The following TSPEAR variants were observed in gnomAD, a reference collection of about 807,000 sequenced individuals.
TSPEAR encodes thrombospondin type laminin G domain and EAR repeats, also known as thrombospondin-type laminin G domain and EAR repeat-containing protein.
Under a neutral mutation model 71.6 loss-of-function variants are expected in TSPEAR, and 69 were observed. The observed-to-expected ratio is 0.96, with a 90% CI of 0.79 to 1.18. The LOEUF (loss-of-function observed/expected upper bound fraction) is 1.18. Among genes scored for constraint, TSPEAR ranks in the 50% most tolerant of loss-of-function variants. The pLI, the probability that TSPEAR is intolerant of heterozygous loss-of-function variation, is 0.00. For missense variants in TSPEAR, 971 were observed against 894.9 expected (o/e 1.09, Z -1.09); for synonymous variants, 402 against 387.2 (o/e 1.04, Z -0.45).
chr21:44,555,649 C>T (rs2053515189), intron 2 of TSPEAR, among the ~76,000 whole-genome samples: 1 of 151,190 alleles, frequency 6.6e-6, no homozygotes, highest in Non-Finnish European at 1.5e-5. Flanking sequence ...TGGTGAGTCC[C>T]CCACCCCGGC....
At chr21:44,513,643 A>C (rs1329265989) in intron 9 of TSPEAR, among the ~76,000 whole-genome samples, 5 of 152,200 alleles carry the variant, frequency 3.3e-5, no homozygotes, top group African/African-American at 1.2e-4. Flanking sequence ...GGAGCCCCCA[A>C]CAGCTCCCTC....
rs368719173 is a variant in TSPEAR, at chr21:44,647,218, T to C, written c.82+64215A>G. The C allele has an allele frequency of 1.7e-5, 27 of 1,613,216 alleles. No homozygotes were observed. The highest frequency in any genetic ancestry group is 2.2e-5 in the South Asian group (2 of 90,992). On this transcript the variant is annotated intron_variant, in intron 1 of 11. Coordinates refer to ENST00000323084, the MANE Select transcript of TSPEAR (RefSeq NM_144991.3). ...CAGGTCCACCTGCTGTGTGCCCGTC[T>C]CCTCCTGCTGTGCCCCCACCTCCTC...
At chr21:44,573,903 C>T in intron 1 of TSPEAR, 2 of 1,613,178 alleles carry the variant, frequency 1.2e-6, no homozygotes, top group Non-Finnish European at 1.7e-6. Flanking sequence ...CTGCTGCGCC[C>T]CGGCCCCCTG....
At chr21:44,532,348 A>G (rs747351938) in intron 3 of TSPEAR, among the ~76,000 whole-genome samples, 2 of 152,246 alleles carry the variant, frequency 1.3e-5, no homozygotes, top group African/African-American at 2.4e-5. Flanking sequence ...TGGCAAAGCC[A>G]GAAGTCAGGC....
chr21:44,653,516 T>C (rs587641020), intron 1 of TSPEAR, among the ~76,000 whole-genome samples: 1 of 152,344 alleles, frequency 6.6e-6, no homozygotes, highest in Non-Finnish European at 1.5e-5. Flanking sequence ...CTCACTTTAA[T>C]TCCTTAAAAG....
chr21:44,519,647 G>C (rs1555913992), intron 9 of TSPEAR: 1 of 152,422 alleles, frequency 6.6e-6, no homozygotes, highest in Non-Finnish European at 1.5e-5. Flanking sequence ...GTTGTGGTGA[G>C]AGGACTGTGC....
intron 1 of TSPEAR, among the ~76,000 whole-genome samples, chr21:44,587,630 T>C (rs1979423481): frequency 6.6e-6 from 1 of 152,140 alleles, no homozygotes; most frequent in Admixed American, 6.6e-5. Context: ...TTTCAAACTA[T>C]ACTATAAGGC....
chr21:44,646,996 A>ACCT (rs781910953), intron 1 of TSPEAR: 1 of 1,609,004 alleles, frequency 6.2e-7, no homozygotes, highest in Non-Finnish European at 8.5e-7. Flanking sequence ...AGCTTGCTGC[A>ACCT]CCTCCTCCTC....
At chr21:44,534,031 AG>A (rs1247574403) in intron 2 of TSPEAR, 108 bp from the exon 3 acceptor site, 94 of 811,518 alleles carry the variant, frequency 1.2e-4, no homozygotes, top group Middle Eastern at 3.4e-4. Flanking sequence ...TGAGAGGAGC[AG>A]GGGCTGACTG....
chr21:44,637,700 T>C (rs1569233396), intron 1 of TSPEAR: 2 of 340,520 alleles, frequency 5.9e-6, no homozygotes, highest in African/African-American at 1.2e-4. Context: ...GCAGGCCTGC[T>C]GTGTGCCTGT....
At chr21:44,696,586 A>G (rs904877908) in intron 1 of TSPEAR, among the ~76,000 whole-genome samples, 9 of 152,264 alleles carry the variant, frequency 5.9e-5, no homozygotes, top group African/African-American at 1.9e-4. Flanking sequence ...AAAAATAAAA[A>G]TAAATCCAGC....
intron 1 of TSPEAR, chr21:44,677,644 G>T: frequency 1.6e-6 from 2 of 1,217,234 alleles, no homozygotes; most frequent in Admixed American, 1.7e-5. Context: ...TGAACCCCAG[G>T]GACCAACACT....
At chr21:44,579,473 T>A in intron 1 of TSPEAR, 4 of 509,596 alleles carry the variant, frequency 7.8e-6, no homozygotes, top group Non-Finnish European at 1.4e-5. Context: ...CCAAGGGGAG[T>A]TTATTGGGGA....
intron 1 of TSPEAR, among the ~76,000 whole-genome samples, chr21:44,665,832 C>T (rs782580175): frequency 1.1e-4 from 17 of 152,322 alleles, no homozygotes; most frequent in Non-Finnish European, 2.5e-4. Context: ...TCCTCCGCGA[C>T]CTGGGAAACA....
rs988103868 is a variant in TSPEAR, at chr21:44,710,702, T to C, written c.82+731A>G. Among the ~76,000 whole-genome samples, 1 of 152,244 alleles carries C rather than the reference T, an allele frequency of 6.6e-6. No individual in the cohort carries two copies. The highest frequency in any genetic ancestry group is 1.5e-5 in the Non-Finnish European group (1 of 68,044). ...TAACTGAGTTTCTAGCGACCAGGTC[T>C]AGTTGTCGTGTTACTTTATTAAATT... On this transcript the variant is annotated intron_variant, in intron 1 of 11. Transcript: ENST00000323084. The surrounding 1 kb of genome is among the most constrained non-coding windows in gnomAD (Gnocchi z 4.6).
At chr21:44,539,693 A>G in intron 2 of TSPEAR, 6 of 1,594,868 alleles carry the variant, frequency 3.8e-6, no homozygotes, top group Non-Finnish European at 5.1e-6. Flanking sequence ...GCAGGTGGGC[A>G]CATAGCACAC....
At chr21:44,594,623 T>C (rs939307263) in intron 1 of TSPEAR, among the ~76,000 whole-genome samples, 17 of 151,294 alleles carry the variant, frequency 1.1e-4, no homozygotes, top group Non-Finnish European at 1.5e-5. Context: ...TTCGTGAATA[T>C]TCACTATTCC....
At chr21:44,681,296 G>A (rs1183314788) in intron 1 of TSPEAR, among the ~76,000 whole-genome samples, 2 of 152,206 alleles carry the variant, frequency 1.3e-5, no homozygotes, top group African/African-American at 4.8e-5. Flanking sequence ...CATCAATGCA[G>A]GGCTTGCTGG....
At chr21:44,694,301 A>T (rs781863824) in intron 1 of TSPEAR, among the ~76,000 whole-genome samples, 1 of 152,278 alleles carries the variant, frequency 6.6e-6, no homozygotes, top group East Asian at 1.9e-4. Flanking sequence ...AAGTGAAATA[A>T]GTCAGTCACA....
Sources: gnomAD v4.1 joint callset for allele counts (sites outside exome capture counted in the v4.1 genomes callset) on GRCh38, gnomAD v4.1.1 for gene constraint, Gnocchi (gnomAD v3.1) non-coding constraint, MANE v1.5 for transcripts, NCBI Gene and HGNC (gene_info 2026-07-23, HGNC 2026-07-21) for gene names.